EEIG2: variants seen among roughly 807,000 people sequenced by gnomAD.
EEIG2 encodes family with sequence similarity 102 member B.
At chr1:108,605,355 G>A in the EEIG2 span, among the ~76,000 whole-genome samples, 1 of 152,090 alleles carries the variant, frequency 6.6e-6, no homozygotes, top group African/African-American at 2.4e-5. Context: ...GCAGGGAAGG[G>A]GAGGAACAGC....
the EEIG2 span, among the ~76,000 whole-genome samples, chr1:108,613,451 G>A: frequency 6.6e-6 from 1 of 152,136 alleles, no homozygotes; most frequent in African/African-American, 2.4e-5. Context: ...TATATGAAAA[G>A]ATGGATAATT....
the EEIG2 span, among the ~76,000 whole-genome samples, chr1:108,605,099 T>C: frequency 8.0e-3 from 1,220 of 151,964 alleles, 15 homozygotes; most frequent in African/African-American, 0.028. Context: ...AAAATAAGGA[T>C]GAAACCCCAA....
chr1:108,605,563 A>C, the EEIG2 span, among the ~76,000 whole-genome samples: 5 of 152,254 alleles, frequency 3.3e-5, no homozygotes, highest in Admixed American at 2.0e-4. Flanking sequence ...AATAATGACA[A>C]AGACATATAT....
the EEIG2 span, chr1:108,635,463 A>C: frequency 4.2e-6 from 1 of 237,286 alleles, no homozygotes; most frequent in Non-Finnish European, 8.2e-6. Context: ...CATTATATAC[A>C]TCGGAGTATC....
At chr1:108,593,127 A>C in the EEIG2 span, among the ~76,000 whole-genome samples, 1 of 152,180 alleles carries the variant, frequency 6.6e-6, no homozygotes, top group Non-Finnish European at 1.5e-5. Flanking sequence ...CACTGCACTC[A>C]GCCTGCATGA....
the EEIG2 span, among the ~76,000 whole-genome samples, chr1:108,601,683 A>G: frequency 6.6e-6 from 1 of 152,298 alleles, no homozygotes; most frequent in East Asian, 1.9e-4. Flanking sequence ...AAAATAAACA[A>G]CCATTTAGAA....
the EEIG2 span, among the ~76,000 whole-genome samples, chr1:108,563,325 C>T: frequency 3.3e-5 from 5 of 152,148 alleles, no homozygotes; most frequent in Non-Finnish European, 5.9e-5. Flanking sequence ...TAATGAGTTT[C>T]CCTGGTAGAC....
chr1:108,586,514 CTT>C, the EEIG2 span, among the ~76,000 whole-genome samples: 3 of 152,154 alleles, frequency 2.0e-5, no homozygotes, highest in East Asian at 5.8e-4. Flanking sequence ...TGAAATTAAA[CTT>C]GAGCTCAGAT....
chr1:108,583,959 G>A, the EEIG2 span, among the ~76,000 whole-genome samples: 17 of 151,714 alleles, frequency 1.1e-4, no homozygotes, highest in Admixed American at 2.6e-4. Flanking sequence ...CTGCCATAGC[G>A]TAGAGAGATG....
chr1:108,589,925 G>A, the EEIG2 span, among the ~76,000 whole-genome samples: 1 of 151,078 alleles, frequency 6.6e-6, no homozygotes, highest in Non-Finnish European at 1.5e-5. Context: ...CAAGTAGCTA[G>A]GATTATAGGT....
the EEIG2 span, among the ~76,000 whole-genome samples, chr1:108,605,054 A>G: frequency 2.0e-5 from 3 of 152,110 alleles, no homozygotes; most frequent in African/African-American, 7.2e-5. Flanking sequence ...AAGAAATAAA[A>G]TAAATAAAAA....
At chr1:108,617,550 G>A in the EEIG2 span, among the ~76,000 whole-genome samples, 1 of 152,146 alleles carries the variant, frequency 6.6e-6, no homozygotes, top group South Asian at 2.1e-4. Flanking sequence ...AGAGTCCAGT[G>A]GGGAGATCTG....
the EEIG2 span, among the ~76,000 whole-genome samples, chr1:108,572,251 T>A: frequency 6.6e-6 from 1 of 152,138 alleles, no homozygotes; most frequent in Non-Finnish European, 1.5e-5. Context: ...TGAAGGCACT[T>A]CTTCTGCCTG....
the EEIG2 span, among the ~76,000 whole-genome samples, chr1:108,596,501 A>C: frequency 6.6e-6 from 1 of 152,086 alleles, no homozygotes; most frequent in East Asian, 1.9e-4. Flanking sequence ...AGCTTGGTTG[A>C]TGTAATTCAT....
At chr1:108,611,697 C>T in the EEIG2 span, among the ~76,000 whole-genome samples, 2 of 152,190 alleles carry the variant, frequency 1.3e-5, no homozygotes, top group African/African-American at 4.8e-5. Context: ...TAATAACCTG[C>T]AACTATCTGC....
chr1:108,563,383 A>T, the EEIG2 span, among the ~76,000 whole-genome samples: 1 of 152,176 alleles, frequency 6.6e-6, no homozygotes, highest in East Asian at 1.9e-4. Flanking sequence ...TGCTGATTCG[A>T]CTTTGTATCT....
At chr1:108,597,775 C>T in the EEIG2 span, among the ~76,000 whole-genome samples, 1 of 152,184 alleles carries the variant, frequency 6.6e-6, no homozygotes, top group Non-Finnish European at 1.5e-5. Context: ...CTAATACATG[C>T]ACTCAACCTG....
the EEIG2 span, among the ~76,000 whole-genome samples, chr1:108,578,074 G>T: frequency 1.4e-5 from 2 of 145,208 alleles, no homozygotes; most frequent in Non-Finnish European, 1.5e-5. Flanking sequence ...GTGAATGGGA[G>T]TTCACTCATG....
chr1:108,616,276 A>C, the EEIG2 span: 2 of 781,804 alleles, frequency 2.6e-6, no homozygotes, highest in Non-Finnish European at 4.3e-6. Context: ...CCAATTCAAC[A>C]ATCATTTTAT....
Sources: allele counts gnomAD v4.1 joint callset (sites outside exome capture counted in the v4.1 genomes callset), GRCh38; gene constraint gnomAD v4.1.1; transcripts MANE v1.5; gene names NCBI Gene and HGNC (gene_info 2026-07-23, HGNC 2026-07-21).